Variants in IL10RA observed in about 807,000 individuals in gnomAD.
IL10RA encodes the protein interleukin-10 receptor subunit alpha.
IL10RA carries 18 observed loss-of-function variants against 29.6 expected under a neutral mutation model. The ratio of observed to expected loss-of-function variants is 0.61; its 90% CI spans 0.42 to 0.90. The LOEUF is 0.90. IL10RA is among the 40% of genes least tolerant of loss of function. The pLI, the probability that IL10RA is intolerant of heterozygous loss-of-function variation, is 0.00. For synonymous variants in IL10RA, 292 were observed against 294.1 expected (o/e 0.99, Z 0.07); for missense variants, 634 against 716.6 (o/e 0.88, Z 1.32).
At position 117,989,405 on chromosome 11, in the gene IL10RA, A is replaced by C. The variant is rs1423938936; in HGVS notation, c.189-37A>C. On this transcript the variant is annotated intron_variant, in intron 2 of 6. Transcript: ENST00000227752. This position sits in a 1 kb window ranked among gnomAD's most constrained non-coding sequence, Gnocchi z 4.5. ...CCTTAAAGGAGGTAGGATTGAGCAC[A>C]AGCTCGTTTCCAGTGCCTAACCTGG... The C allele has an allele frequency of 6.3e-7, 1 of 1,591,556 alleles. No homozygotes were observed. Among genetic ancestry groups the C allele is most frequent in the Non-Finnish European group, 8.6e-7 (1 of 1,159,364 alleles).
intron 3 of IL10RA, chr11:117,992,946 A>G: frequency 2.3e-6 from 1 of 426,420 alleles, no homozygotes; most frequent in South Asian, 2.4e-5. Context: ...TGTTGAAGAG[A>G]CTGTTCTTTT....
In IL10RA at chr11:117,986,451, G is replaced by A. The variant is rs368849726; in HGVS notation, c.-17G>A. The A allele has an allele frequency of 1.0e-4, 162 of 1,550,440 alleles. No individual in the cohort carries two copies. The South Asian group carries it at 1.6e-3, about 15-fold the overall frequency. ...GGCCGGCTCCGCTCCGGCCCCGGACGATGCGGCGCGCCCAGGATGCTGCCG... is the reference window on the plus strand; with the variant it reads ...GGCCGGCTCCGCTCCGGCCCCGGACAATGCGGCGCGCCCAGGATGCTGCCG... On this transcript the variant is annotated 5_prime_UTR_variant, in exon 1 of 7. Coordinates refer to ENST00000227752, the MANE Select transcript of IL10RA (RefSeq NM_001558.4).
In IL10RA at chr11:117,986,445, C is replaced by T. The variant is rs748544667; in HGVS notation, c.-23C>T. 6.5e-7 allele frequency: 1 copy of T among 1,549,392 alleles called. No homozygotes were observed. Among genetic ancestry groups the T allele is most frequent in the Admixed American group, 2.0e-5 (1 of 51,226 alleles). On this transcript the variant is annotated 5_prime_UTR_variant, in exon 1 of 7. Coordinates refer to ENST00000227752, the MANE Select transcript of IL10RA (RefSeq NM_001558.4). Reference sequence around the variant, plus strand: ...CGCGCAGGCCGGCTCCGCTCCGGCCCCGGACGATGCGGCGCGCCCAGGATG... The same window carrying T: ...CGCGCAGGCCGGCTCCGCTCCGGCCTCGGACGATGCGGCGCGCCCAGGATG...
chr11:117,996,892 C>T (rs948971620), intron 6 of IL10RA, among the ~76,000 whole-genome samples: 4 of 152,228 alleles, frequency 2.6e-5, no homozygotes, highest in Non-Finnish European at 5.9e-5. Context: ...CCCTTCTGTA[C>T]TTTTGGATCA....
At position 117,999,924 on chromosome 11, in the gene IL10RA, C is replaced by A. The variant is rs1297337243; in HGVS notation, c.*283C>A. 1 of 622,152 alleles carries A rather than the reference C, an allele frequency of 1.6e-6. No individual in the cohort carries two copies. The highest frequency in any genetic ancestry group is 1.5e-5 in the South Asian group (1 of 65,964). The allele number at this position is 622,152 out of a possible 1,614,324, so 38.5% of individuals were successfully genotyped here. On this transcript the variant is annotated 3_prime_UTR_variant, in exon 7 of 7. Coordinates refer to ENST00000227752, the MANE Select transcript of IL10RA (RefSeq NM_001558.4). ...AGCTGAGAAGGGCAGGGACCTTCTC[C>A]CTCCTAGGAACTCTTTCCTGTATCA...
intron 3 of IL10RA, among the ~76,000 whole-genome samples, chr11:117,990,474 T>C (rs2058014392): frequency 6.6e-6 from 1 of 152,218 alleles, no homozygotes. Flanking sequence ...GGCATATTAC[T>C]AGGTATTTGT....
intron 4 of IL10RA, 133 bp from the exon 5 acceptor site, chr11:117,993,866 G>A: frequency 1.4e-6 from 1 of 733,518 alleles, no homozygotes; most frequent in Non-Finnish European, 2.5e-6. Flanking sequence ...ATTGGTAATT[G>A]TGGGGTTTGT....
chr11:117,988,583 T>G, intron 2 of IL10RA, 81 bp downstream of exon 2: 1 of 1,546,822 alleles, frequency 6.5e-7, no homozygotes, highest in Non-Finnish European at 8.9e-7. Flanking sequence ...GGAAGATACC[T>G]GCCTTGTTAA....
rs1225752564 is a variant in IL10RA, at chr11:117,989,933, G to C, written c.367+313G>C. Reference sequence around the variant, plus strand: ...CAGGGAGGGTTCAGGGAGAGGAAGCGAATCCATGAACACTCAGCATAGGGC... The same window carrying C: ...CAGGGAGGGTTCAGGGAGAGGAAGCCAATCCATGAACACTCAGCATAGGGC... On this transcript the variant is annotated intron_variant, in intron 3 of 6. Coordinates refer to ENST00000227752, the MANE Select transcript of IL10RA (RefSeq NM_001558.4). The surrounding 1 kb of genome is among the most constrained non-coding windows in gnomAD (Gnocchi z 4.5). Among the ~76,000 whole-genome samples the C allele has an allele frequency of 6.6e-6, 1 of 152,088 alleles. No homozygotes were observed. The highest frequency in any genetic ancestry group is 1.5e-5 in the Non-Finnish European group (1 of 68,030).
At position 117,997,220 on chromosome 11, in the gene IL10RA, G is replaced by A. The variant is rs2058062251; in HGVS notation, c.811-1495G>A. Among the ~76,000 whole-genome samples the A allele has an allele frequency of 2.0e-5, 3 of 152,298 alleles. No individual in the cohort carries two copies. The South Asian group carries it at 6.2e-4, about 32-fold the overall frequency. Reference sequence around the variant, plus strand: ...TCAGTTTTCTCCTCTAGGAAATAGAGGTAATAATACTTCTCTTACAGAATT... The same window carrying A: ...TCAGTTTTCTCCTCTAGGAAATAGAAGTAATAATACTTCTCTTACAGAATT... On this transcript the variant is annotated intron_variant, in intron 6 of 6. Transcript: ENST00000227752.
intron 3 of IL10RA, among the ~76,000 whole-genome samples, chr11:117,991,597 C>A (rs984290551): frequency 7.2e-5 from 11 of 152,192 alleles, no homozygotes; most frequent in South Asian, 6.2e-4. Context: ...CTACTCTCTA[C>A]TTCTATGAAT....
At position 117,986,449 on chromosome 11, in the gene IL10RA, A is replaced by G; in HGVS notation, c.-19A>G. 1 of 1,550,014 alleles carries G rather than the reference A, an allele frequency of 6.5e-7. No homozygotes were observed. Among genetic ancestry groups the G allele is most frequent in the Non-Finnish European group, 8.7e-7 (1 of 1,147,266 alleles). The stretch of plus-strand genomic sequence containing the variant: ...CAGGCCGGCTCCGCTCCGGCCCCGG[A>G]CGATGCGGCGCGCCCAGGATGCTGC... On this transcript the variant is annotated 5_prime_UTR_variant, in exon 1 of 7. Coordinates refer to ENST00000227752, the MANE Select transcript of IL10RA (RefSeq NM_001558.4).
At position 118,000,668 on chromosome 11, in the gene IL10RA, C is replaced by G; in HGVS notation, c.*1027C>G. 1 of 454,258 alleles carries G rather than the reference C, an allele frequency of 2.2e-6. No homozygotes were observed. The highest frequency in any genetic ancestry group is 4.4e-6 in the Non-Finnish European group (1 of 226,782). 28.1% of individuals were successfully genotyped at this position (454,258 alleles called of 1,614,324 possible). On this transcript the variant is annotated 3_prime_UTR_variant, in exon 7 of 7. Transcript: ENST00000227752. ...TGGTGTTCAGCTGTGTGATTTTGGA[C>G]TAGCCACTTGTCAGAGGGCCTCAAT... is the stretch of plus-strand genomic sequence containing the variant.
rs1270981020 is a variant in IL10RA, at chr11:118,001,144, T to A, written c.*1503T>A. The A allele has an allele frequency of 4.4e-6, 2 of 454,282 alleles. No individual in the cohort carries two copies. The highest frequency in any genetic ancestry group is 8.8e-6 in the Non-Finnish European group (2 of 226,788). 28.1% of individuals were successfully genotyped at this position (454,282 alleles called of 1,614,324 possible). On this transcript the variant is annotated 3_prime_UTR_variant, in exon 7 of 7. Transcript: ENST00000227752. ...ACTGAACTCCCTCTGGAGGCAGGCTTGAGGGAGGATTCCTCAGGGTTCCCT... is the reference window on the plus strand; with the variant it reads ...ACTGAACTCCCTCTGGAGGCAGGCTAGAGGGAGGATTCCTCAGGGTTCCCT...
chr11:117,986,663 T>G, intron 1 of IL10RA, 129 bp downstream of exon 1: 1 of 1,536,886 alleles, frequency 6.5e-7, no homozygotes, highest in Non-Finnish European at 8.7e-7. Context: ...GCTCCCTTAC[T>G]CTGGCAAACC....
intron 6 of IL10RA, among the ~76,000 whole-genome samples, chr11:117,996,085 G>A (rs1272231857): frequency 6.6e-6 from 1 of 152,224 alleles, no homozygotes; most frequent in Non-Finnish European, 1.5e-5. Context: ...GAGGCACAGA[G>A]AGATTGTTAC....
In IL10RA at chr11:117,994,094, C is replaced by T. The variant is rs781588311; in HGVS notation, c.633C>T (p.Ser211=). ...FCVQVKPSVA[S]RSNKGMWSKE... ...TCCAGGTGAAACCATCTGTCGCTTC[C>T]CGAAGTAACAAGGGGATGTGGTCTA... is the stretch of plus-strand genomic sequence containing the variant. Residue 211 remains serine, a synonymous_variant, in exon 5 of 7, where the codon TCC becomes TCT. Coordinates refer to ENST00000227752, the MANE Select transcript of IL10RA (RefSeq NM_001558.4). The T allele has an allele frequency of 1.5e-5, 25 of 1,614,000 alleles. No individual in the cohort carries two copies. The highest frequency in any genetic ancestry group is 1.9e-5 in the Non-Finnish European group (23 of 1,179,974).
rs1469700582 is a variant in IL10RA, at chr11:117,986,482, C to G, written c.15C>G (p.Leu5=). ...GCGCGCCCAGGATGCTGCCGTGCCTCGTAGTGCTGCTGGCGGCGCTCCTCA... is the reference window on the plus strand; with the variant it reads ...GCGCGCCCAGGATGCTGCCGTGCCTGGTAGTGCTGCTGGCGGCGCTCCTCA... The part of the protein sequence containing the change: MLPC[L]VVLLAALLSL... The change falls in exon 1 of 7, where the codon CTC becomes CTG. Residue 5 remains leucine (L), a synonymous_variant. Coordinates refer to ENST00000227752, the MANE Select transcript of IL10RA (RefSeq NM_001558.4). 13 of 1,555,846 alleles carry G rather than the reference C, an allele frequency of 8.4e-6. No homozygotes were observed. Among genetic ancestry groups the G allele is most frequent in the Non-Finnish European group, 1.1e-5 (13 of 1,149,830 alleles).
intron 1 of IL10RA, chr11:117,987,983 TG>T: frequency 3.4e-6 from 1 of 291,998 alleles, no homozygotes; most frequent in Non-Finnish European, 6.7e-6. Context: ...CAAGCCAGGG[TG>T]GGGATCAGGT....
Sources: gnomAD v4.1 joint callset for allele counts (sites outside exome capture counted in the v4.1 genomes callset) on GRCh38, gnomAD v4.1.1 for gene constraint, Gnocchi (gnomAD v3.1) non-coding constraint, MANE v1.5 for transcripts, NCBI Gene and HGNC (gene_info 2026-07-23, HGNC 2026-07-21) for gene names.